The following BRD1 variants were observed in gnomAD, a reference collection of about 807,000 sequenced individuals.
BRD1 encodes bromodomain containing 1, also known as bromodomain-containing protein 1.
In BRD1, 24 loss-of-function variants were observed where a neutral mutation model predicts 107.7. The observed-to-expected ratio is 0.22, with a 90% CI of 0.16 to 0.31. BRD1 has a LOEUF of 0.31. BRD1 is among the 10% of genes least tolerant of loss of function. The pLI, the probability that BRD1 is intolerant of heterozygous loss-of-function variation, is 1.00. For synonymous variants in BRD1, 744 were observed against 686.1 expected, an observed-to-expected ratio of 1.08 and a Z score of -1.32; for missense variants, 1,279 against 1,638.6, an observed-to-expected ratio of 0.78 and a Z score of 3.79.
intron 2 of BRD1, among the ~76,000 whole-genome samples, chr22:49,821,477 A>T (rs909741495): frequency 6.6e-6 from 1 of 152,226 alleles, no homozygotes; most frequent in African/African-American, 2.4e-5. Context: ...CTGGATGGGA[A>T]GGATTATGAG....
chr22:49,819,091 CTACAAAAAAAA>C (rs1034421963), intron 2 of BRD1, among the ~76,000 whole-genome samples: 2 of 150,834 alleles, frequency 1.3e-5, no homozygotes, highest in Admixed American at 1.3e-4. Context: ...AACCCCATCT[CTACAAAAAAAA>C]TACAAAAATT....
chr22:49,827,054 AG>A (rs2060154612), intron 1 of BRD1, among the ~76,000 whole-genome samples: 1 of 151,710 alleles, frequency 6.6e-6, no homozygotes, highest in Non-Finnish European at 1.5e-5. Context: ...CCCTGCTCAC[AG>A]GGAGTTCCCG....
Position 49,817,130 on chromosome 22 carries a change from C to T in BRD1, c.1367+5821G>A, listed in dbSNP as rs115217398. The T allele has an allele frequency of 9.1e-3, 1,390 of 153,076 alleles. 25 individuals are homozygous for T. Among genetic ancestry groups the T allele is most frequent in the African/African-American group, 0.032 (1,343 of 41,582 alleles). The allele number at this position is 153,076 out of a possible 1,614,324, so 9.5% of individuals were successfully genotyped here. A position where few individuals can be genotyped will look rare whatever the true frequency, so the allele number is the denominator to read the frequency against. ...CTTGGGTGACCATCTCTCCTTGCCA[C>T]GCTGACCCTTTTCCCCTGACCTCAC... On this transcript the variant is annotated intron_variant, in intron 2 of 12. Transcript: ENST00000404760.
chr22:49,813,940 G>C (rs547584943), intron 2 of BRD1, among the ~76,000 whole-genome samples: 23 of 152,242 alleles, frequency 1.5e-4, no homozygotes, highest in African/African-American at 5.3e-4. Flanking sequence ...CATGCCACAT[G>C]GGGAAAGGGT....
Position 49,787,308 on chromosome 22 carries a change from C to A in BRD1, c.2857+82G>T, listed in dbSNP as rs555230158. ...AAAACAGAAGCTGGACACCCCCCCC[C>A]CCCCGTCACACCAATGATCCTGAAG... On this transcript the variant is annotated intron_variant, in intron 8 of 12. Transcript: ENST00000404760. 241 of 1,097,086 alleles carry A rather than the reference C, an allele frequency of 2.2e-4. 31 individuals carry two copies. The highest frequency in any genetic ancestry group is 2.5e-4 in the Non-Finnish European group (203 of 813,278). 68.0% of individuals were successfully genotyped at this position (1,097,086 alleles called of 1,614,324 possible).
chr22:49,799,010 C>T lies in BRD1; in HGVS notation c.1634G>A (p.Arg545Gln). The change falls in exon 4 of 13, where the codon CGG becomes CAG. Residue 545 changes from arginine to glutamine, a missense_variant. Arg to Gln is a conservative substitution (Grantham distance 43). Coordinates refer to ENST00000404760, the MANE Select transcript of BRD1 (RefSeq NM_001304808.3). Reference protein sequence around the residue: ...ARLLIELLRKREKLKREQVKV... With the variant: ...ARLLIELLRKQEKLKREQVKV... ...CACCTGCTCACGCTTGAGCTTCTCCCGCTTGCGCAGCAGCTCGATCAGCAG... is the reference window on the plus strand; with the variant it reads ...CACCTGCTCACGCTTGAGCTTCTCCTGCTTGCGCAGCAGCTCGATCAGCAG... 1 of 1,610,102 alleles carries T rather than the reference C, an allele frequency of 6.2e-7. No homozygotes were observed. Among genetic ancestry groups the T allele is most frequent in the East Asian group, 2.2e-5 (1 of 44,850 alleles).
chr22:49,812,434 C>T (rs920987542), intron 2 of BRD1, among the ~76,000 whole-genome samples: 2 of 152,156 alleles, frequency 1.3e-5, no homozygotes, highest in Non-Finnish European at 2.9e-5. Flanking sequence ...AGCCAGGAGT[C>T]GTGGCACATG....
intron 12 of BRD1, chr22:49,775,208 G>A (rs1236850318): frequency 1.3e-5 from 2 of 159,842 alleles, no homozygotes; most frequent in African/African-American, 4.8e-5. Flanking sequence ...CTAAGAACAG[G>A]GCCAGAGGCC....
At chr22:49,813,805 GGTGACAGA>G (rs1490703164) in intron 2 of BRD1, among the ~76,000 whole-genome samples, 2 of 151,470 alleles carry the variant, frequency 1.3e-5, no homozygotes, top group Admixed American at 1.3e-4. Context: ...CTCCAGCCTG[GGTGACAGA>G]GTGAGACTCC....
At chr22:49,806,670 T>G (rs573092483) in intron 2 of BRD1, 2 of 152,212 alleles carry the variant, frequency 1.3e-5, no homozygotes, top group African/African-American at 4.8e-5. Flanking sequence ...GCAGCCGCAA[T>G]GCCCACCTCA....
intron 3 of BRD1, among the ~76,000 whole-genome samples, chr22:49,801,911 G>T (rs1044179624): frequency 9.9e-5 from 15 of 152,216 alleles, no homozygotes; most frequent in Non-Finnish European, 1.8e-4. Flanking sequence ...TGCTACTGCA[G>T]GGATTCTGGC....
chr22:49,818,783 G>A (rs1245604543), intron 2 of BRD1, among the ~76,000 whole-genome samples: 1 of 152,102 alleles, frequency 6.6e-6, no homozygotes, highest in African/African-American at 2.4e-5. Context: ...CTACTCAGGA[G>A]GCTGAGGCAG....
In BRD1 at chr22:49,792,217, T is replaced by G. The variant is rs1601648905; in HGVS notation, c.2359+1817A>C. 6.6e-6 allele frequency among the ~76,000 whole-genome samples: 1 copy of G among 151,006 alleles called. No individual in the cohort carries two copies. Among genetic ancestry groups the G allele is most frequent in the African/African-American group, 2.4e-5 (1 of 41,112 alleles). On this transcript the variant is annotated intron_variant, in intron 7 of 12. Coordinates refer to ENST00000404760, the MANE Select transcript of BRD1 (RefSeq NM_001304808.3). This position sits in a 1 kb window ranked among gnomAD's most constrained non-coding sequence, Gnocchi z 4.2. ...AAAAAGGTAACTTACTGCTCTACAGTGAAAATGGTACAACTGTGTGCGAAG... is the reference window on the plus strand; with the variant it reads ...AAAAAGGTAACTTACTGCTCTACAGGGAAAATGGTACAACTGTGTGCGAAG...
intron 3 of BRD1, 34 bp from the exon 4 acceptor site, chr22:49,799,153 C>CAG (rs1469301618): frequency 6.3e-7 from 1 of 1,590,838 alleles, no homozygotes; most frequent in African/African-American, 1.3e-5. Context: ...CAGTCAAACC[C>CAG]AGAGGCTCCT....
intron 7 of BRD1, among the ~76,000 whole-genome samples, chr22:49,789,945 A>G (rs959512540): frequency 6.6e-6 from 1 of 152,162 alleles, no homozygotes; most frequent in African/African-American, 2.4e-5. Flanking sequence ...CCCCTGGTCT[A>G]TCCCAAAGCG....
chr22:49,818,410 C>A (rs1421528770), intron 2 of BRD1: 5 of 1,108,088 alleles, frequency 4.5e-6, no homozygotes, highest in African/African-American at 1.6e-5. Flanking sequence ...ACAGATTATG[C>A]GTGTATTTAT....
chr22:49,779,807 G>A (rs1482144241), intron 8 of BRD1, among the ~76,000 whole-genome samples: 1 of 151,902 alleles, frequency 6.6e-6, no homozygotes, highest in African/African-American at 2.4e-5. Context: ...GTGGGTGAAG[G>A]CAAGGGAAGC....
intron 1 of BRD1, among the ~76,000 whole-genome samples, chr22:49,826,694 G>C (rs951073016): frequency 6.6e-6 from 1 of 152,198 alleles, no homozygotes; most frequent in Non-Finnish European, 1.5e-5. Context: ...ACTCGGGACG[G>C]CGCTGGGCCG....
intron 8 of BRD1, among the ~76,000 whole-genome samples, chr22:49,779,916 G>A (rs1159118306): frequency 3.3e-5 from 5 of 152,116 alleles, no homozygotes; most frequent in South Asian, 2.1e-4. Context: ...CGTGTGACCC[G>A]TCTCCAGAGA....
Sources: gnomAD v4.1 joint callset for allele counts (sites outside exome capture counted in the v4.1 genomes callset) on GRCh38, gnomAD v4.1.1 for gene constraint, Gnocchi (gnomAD v3.1) non-coding constraint, MANE v1.5 for transcripts, NCBI Gene and HGNC (gene_info 2026-07-23, HGNC 2026-07-21) for gene names.